Variants in ATP2A3 observed in about 807,000 individuals in gnomAD.
The protein encoded by ATP2A3 is sarcoplasmic/endoplasmic reticulum calcium ATPase 3.
A neutral mutation model predicts 106.8 loss-of-function variants in ATP2A3; 61 were observed. The observed-to-expected ratio is 0.57, with a 90% CI of 0.46 to 0.71. The LOEUF (loss-of-function observed/expected upper bound fraction) is 0.71. Ranked by LOEUF, ATP2A3 falls within the 30% of genes least tolerant of loss-of-function variation. ATP2A3 has a pLI of 0.00. For synonymous variants in ATP2A3, 611 were observed against 609.3 expected (o/e 1.00, Z -0.04); for missense variants, 1,201 against 1,423.5 (o/e 0.84, Z 2.52).
At position 3,936,721 on chromosome 17, in the gene ATP2A3, T is replaced by TACACAC. The variant is rs57648128; in HGVS notation, c.2322-258_2322-253dup. On this transcript the variant is annotated intron_variant, in intron 15 of 20. Coordinates refer to ENST00000397041, the MANE Select transcript of ATP2A3 (RefSeq NM_005173.4). The surrounding 1 kb of genome is among the most constrained non-coding windows in gnomAD (Gnocchi z 5.4). ...CTCTTTAGGCCTAGCAGAGGCCAAG[T>TACACAC]ACACACACACACACACACACACACA... 605 of 408,422 alleles carry TACACAC rather than the reference T, an allele frequency of 1.5e-3. No homozygotes were observed. The highest frequency in any genetic ancestry group is 7.6e-3 in the African/African-American group (358 of 47,406). 25.3% of individuals were successfully genotyped at this position (408,422 alleles called of 1,614,324 possible). A position where few individuals can be genotyped will look rare whatever the true frequency, so the allele number is the denominator to read the frequency against.
chr17:3,953,545 G>A lies in ATP2A3; in HGVS notation c.137-116C>T, dbSNP rs1056012412. 8.7e-6 allele frequency: 13 copies of A among 1,486,986 alleles called. No homozygotes were observed. The Middle Eastern group carries it at 6.9e-4, about 78-fold the overall frequency. The allele number at this position is 1,486,986 out of a possible 1,614,324, so 92.1% of individuals were successfully genotyped here. ...TCCCTCCCTGCACTCAGAAGAGGGA[G>A]AACCCAGGTCGCTGAGAGGCTCAGG... On this transcript the variant is annotated intron_variant, in intron 2 of 20. Transcript: ENST00000397041. The surrounding 1 kb of genome is among the most constrained non-coding windows in gnomAD (Gnocchi z 5.1).
At chr17:3,949,256 CCCTT>C (rs903269826) in intron 7 of ATP2A3, among the ~76,000 whole-genome samples, 4 of 152,156 alleles carry the variant, frequency 2.6e-5, no homozygotes, top group African/African-American at 7.2e-5. Context: ...ACTGGCCTGA[CCCTT>C]CCTTGTGCCC....
At chr17:3,944,883 G>T in intron 9 of ATP2A3, 77 bp from the exon 10 acceptor site, 1 of 883,670 alleles carries the variant, frequency 1.1e-6, no homozygotes, top group African/African-American at 2.1e-5. Context: ...CCCGCCCCTA[G>T]GAGGGGGCTC....
At position 3,928,466 on chromosome 17, in the gene ATP2A3, T is replaced by A; in HGVS notation, c.2980+197A>T. 1.0e-6 allele frequency: 1 copy of A among 1,000,454 alleles called. No homozygotes were observed. The highest frequency in any genetic ancestry group is 1.5e-6 in the Non-Finnish European group (1 of 655,246). The allele number at this position is 1,000,454 out of a possible 1,614,324, so 62.0% of individuals were successfully genotyped here. On this transcript the variant is annotated intron_variant, in intron 20 of 20. Coordinates refer to ENST00000397041, the MANE Select transcript of ATP2A3 (RefSeq NM_005173.4). This position sits in a 1 kb window ranked among gnomAD's most constrained non-coding sequence, Gnocchi z 6.1. ...GCTGGCCCAGTGAGCCCAGGTCCCC[T>A]GCAGTGCAAGACCCTGCGGACACCT...
At position 3,942,625 on chromosome 17, in the gene ATP2A3, C is replaced by T. The variant is rs1346075661; in HGVS notation, c.1526G>A (p.Gly509Asp). 6.2e-7 allele frequency: 1 copy of T among 1,612,234 alleles called. No homozygotes were observed. The highest frequency in any genetic ancestry group is 8.5e-7 in the Non-Finnish European group (1 of 1,179,828). ...TPTRPHPTGQGSKMFVKGAPE... is the reference protein window; with the variant it reads ...TPTRPHPTGQDSKMFVKGAPE... ...CCCCACCTTCACAAACATCTTGCTGCCCTGGCCAGTAGGGTGAGGGCGGGT... is the reference window on the plus strand; with the variant it reads ...CCCCACCTTCACAAACATCTTGCTGTCCTGGCCAGTAGGGTGAGGGCGGGT... The change falls in exon 12 of 21, where the codon GGC becomes GAC. Residue 509 changes from glycine (G) to aspartate (D), a missense_variant. Physicochemically the swap from Gly to Asp is moderately conservative, Grantham distance 94. Transcript: ENST00000397041.
Position 3,926,578 on chromosome 17 carries a change from G to A in ATP2A3, c.2981-1137C>T, listed in dbSNP as rs975537565. The stretch of plus-strand genomic sequence containing the variant: ...GTTAGTCTCACCCTCTCTTTTTGGG[G>A]GAGAGTGGGGGAACAGAGTTTTGCT... On this transcript the variant is annotated intron_variant, in intron 20 of 20. Transcript: ENST00000397041. This position sits in a 1 kb window ranked among gnomAD's most constrained non-coding sequence, Gnocchi z 4.6. Among the ~76,000 whole-genome samples, 1 of 152,060 alleles carries A rather than the reference G, an allele frequency of 6.6e-6. No homozygotes were observed. The highest frequency in any genetic ancestry group is 2.4e-5 in the African/African-American group (1 of 41,400).
intron 1 of ATP2A3, among the ~76,000 whole-genome samples, chr17:3,961,101 G>T (rs1022192455): frequency 1.3e-5 from 2 of 152,294 alleles, no homozygotes; most frequent in East Asian, 1.9e-4. Flanking sequence ...TCCTGCTTCC[G>T]TGTGGGAAAA....
In ATP2A3 at chr17:3,927,174, T is replaced by C. The variant is rs568654176; in HGVS notation, c.2980+1489A>G. The C allele has an allele frequency of 2.8e-5, 28 of 985,348 alleles. No individual in the cohort carries two copies. The African/African-American group carries it at 4.9e-4, about 17-fold the overall frequency. The allele number at this position is 985,348 out of a possible 1,614,324, so 61.0% of individuals were successfully genotyped here. A position where few individuals can be genotyped will look rare whatever the true frequency, so the allele number is the denominator to read the frequency against. On this transcript the variant is annotated intron_variant, in intron 20 of 20. Transcript: ENST00000397041. ...AGGAATCTCTCCCTCCCAGCCCTCC[T>C]AGCCTGTCCCCTCCCGCTAGGACCC...
chr17:3,954,397 AC>A (rs944780297), intron 1 of ATP2A3, among the ~76,000 whole-genome samples: 1 of 136,918 alleles, frequency 7.3e-6, no homozygotes, highest in African/African-American at 2.7e-5. Flanking sequence ...CTCAGTGAAG[AC>A]CCCCCAGCCC....
At chr17:3,959,250 C>CTA (rs1378886268) in intron 1 of ATP2A3, among the ~76,000 whole-genome samples, 2 of 152,106 alleles carry the variant, frequency 1.3e-5, no homozygotes, top group East Asian at 3.9e-4. Flanking sequence ...CAGCAGCATC[C>CTA]TATCTCCTCA....
Position 3,943,517 on chromosome 17 carries a change from C to T in ATP2A3, c.1293G>A (p.Lys431=). ...CCTCTCCCACCTTCTCATACACACC[C>T]TTGGCCTGGCAAGGACCCAGGGGAT... The part of the protein sequence containing the change: ...NDSALDYNEA[K]GVYEKVGEAT... Residue 431 remains lysine (K), a synonymous_variant, in exon 11 of 21, where the codon AAG becomes AAA. Transcript: ENST00000397041. 6.2e-7 allele frequency: 1 copy of T among 1,614,084 alleles called. No individual in the cohort carries two copies. The highest frequency in any genetic ancestry group is 8.5e-7 in the Non-Finnish European group (1 of 1,179,960).
At chr17:3,964,133 G>A in intron 1 of ATP2A3, 41 bp downstream of exon 1, 1 of 1,039,932 alleles carries the variant, frequency 9.6e-7, no homozygotes, top group Non-Finnish European at 1.2e-6. Context: ...TGCGGCGCGC[G>A]CGGCCCCCGC....
At position 3,928,832 on chromosome 17, in the gene ATP2A3, T is replaced by TGC; in HGVS notation, c.2863-54_2863-53dup. 1 of 1,424,494 alleles carries TGC rather than the reference T, an allele frequency of 7.0e-7. No individual in the cohort carries two copies. The highest frequency in any genetic ancestry group is 2.5e-5 in the East Asian group (1 of 40,302). The allele number at this position is 1,424,494 out of a possible 1,614,324, so 88.2% of individuals were successfully genotyped here. A position where few individuals can be genotyped will look rare whatever the true frequency, so the allele number is the denominator to read the frequency against. ...GTTAAAGGAAGGACTGGCTGTCCCG[T>TGC]GCCCCAGCCATCTGCTGGCCTTATC... On this transcript the variant is annotated intron_variant, in intron 19 of 20. Coordinates refer to ENST00000397041, the MANE Select transcript of ATP2A3 (RefSeq NM_005173.4). This position sits in a 1 kb window ranked among gnomAD's most constrained non-coding sequence, Gnocchi z 6.1.
In ATP2A3 at chr17:3,944,796, C is replaced by A. The variant is rs1426249996; in HGVS notation, c.1195G>T (p.Asp399Tyr). The A allele has an allele frequency of 6.2e-7, 1 of 1,610,454 alleles. No individual in the cohort carries two copies. Among genetic ancestry groups the A allele is most frequent in the Non-Finnish European group, 8.5e-7 (1 of 1,178,514 alleles). Residue 399 changes from aspartate (D) to tyrosine (Y), a missense_variant, in exon 10 of 21, where the codon GAT becomes TAT. Asp to Tyr is a radical substitution (Grantham distance 160). Transcript: ENST00000397041. ...YTPEGEVRQG[D>Y]QPVRCGQFDG... ...AACTGGCCGCAGCGCACAGGCTGAT[C>A]CCCCTGCCGCCTGCGGAGCCGGGGC...
At position 3,939,786 on chromosome 17, in the gene ATP2A3, T is replaced by TAAAA. The variant is rs71381543; in HGVS notation, c.2100+1181_2100+1184dup. Reference sequence around the variant, plus strand: ...CTGGGTGACAGAGCGAGACTCTGTCTAAAAAAAAAAAAAAAAAAAAAAAAA... The same window carrying TAAAA: ...CTGGGTGACAGAGCGAGACTCTGTCTAAAAAAAAAAAAAAAAAAAAAAAAAAAAA... On this transcript the variant is annotated intron_variant, in intron 14 of 20. Coordinates refer to ENST00000397041, the MANE Select transcript of ATP2A3 (RefSeq NM_005173.4). Among the ~76,000 whole-genome samples, 112 of 50,508 alleles carry TAAAA rather than the reference T, an allele frequency of 2.2e-3. 4 individuals carry two copies. Among genetic ancestry groups the TAAAA allele is most frequent in the African/African-American group, 6.6e-3 (107 of 16,108 alleles). The allele number at this position is 50,508 out of a possible 152,430, so 33.1% of individuals were successfully genotyped here.
intron 1 of ATP2A3, among the ~76,000 whole-genome samples, chr17:3,960,192 C>A (rs897048257): frequency 1.3e-5 from 2 of 152,370 alleles, no homozygotes; most frequent in African/African-American, 4.8e-5. Context: ...GCAAGCAGGG[C>A]CACTCAGATG....
chr17:3,947,977 T>G lies in ATP2A3; in HGVS notation c.631-122A>C. The G allele has an allele frequency of 1.0e-6, 1 of 967,992 alleles. No homozygotes were observed. Among genetic ancestry groups the G allele is most frequent in the Non-Finnish European group, 1.6e-6 (1 of 643,044 alleles). 60.0% of individuals were successfully genotyped at this position (967,992 alleles called of 1,614,324 possible). A position where few individuals can be genotyped will look rare whatever the true frequency, so the allele number is the denominator to read the frequency against. ...TACCCGGCTTTCCTTTTCTCCATGT[T>G]GCTAGTGCTTCCAGACTCCTGTAGC... is the stretch of plus-strand genomic sequence containing the variant. On this transcript the variant is annotated intron_variant, in intron 7 of 20. Coordinates refer to ENST00000397041, the MANE Select transcript of ATP2A3 (RefSeq NM_005173.4). This position sits in a 1 kb window ranked among gnomAD's most constrained non-coding sequence, Gnocchi z 7.7.
At chr17:3,943,320 G>C (rs1425351724) in intron 11 of ATP2A3, 71 bp downstream of exon 11, 1 of 1,591,456 alleles carries the variant, frequency 6.3e-7, no homozygotes. Flanking sequence ...TCAGTGTCCT[G>C]TCTGCCTTCT....
At chr17:3,949,692 A>G (rs916644143) in intron 7 of ATP2A3, among the ~76,000 whole-genome samples, 1 of 152,236 alleles carries the variant, frequency 6.6e-6, no homozygotes, top group Admixed American at 6.5e-5. Context: ...AAGCATAACA[A>G]GAGTACTTAT....
Sources: allele counts gnomAD v4.1 joint callset (sites outside exome capture counted in the v4.1 genomes callset), GRCh38; gene constraint gnomAD v4.1.1; non-coding constraint Gnocchi (gnomAD v3.1); transcripts MANE v1.5; gene names NCBI Gene and HGNC (gene_info 2026-07-23, HGNC 2026-07-21).